WAC: variants seen among roughly 807,000 people sequenced by gnomAD.
The protein encoded by WAC is WW domain containing adaptor with coiled-coil.
In WAC, 11 loss-of-function variants were observed where a neutral mutation model predicts 79.6. That is an observed-to-expected ratio of 0.14 (90% confidence interval 0.09 to 0.23). WAC has a LOEUF of 0.23. Among genes scored for constraint, WAC ranks in the 10% least tolerant of loss-of-function variants. The probability of loss-of-function intolerance (pLI) is 1.00; values close to 1 mark genes in which losing one functional copy is unlikely to be tolerated. For missense variants in WAC, 728 were observed against 773.5 expected (o/e 0.94, Z 0.70); for synonymous variants, 304 against 276.9 (o/e 1.10, Z -0.97).
chr10:28,591,011 C>T (rs939490979), intron 6 of WAC, 179 bp downstream of exon 6: 16 of 586,328 alleles, frequency 2.7e-5, no homozygotes, highest in African/African-American at 3.8e-5. Flanking sequence ...GGAAAAGATA[C>T]ACGGTCGAGT....
At chr10:28,602,303 ACTTT>A (rs1000156021) in intron 7 of WAC, among the ~76,000 whole-genome samples, 12 of 152,340 alleles carry the variant, frequency 7.9e-5, no homozygotes, top group Admixed American at 1.3e-4. Context: ...GTTAAAGAAT[ACTTT>A]CTTTGTTGTA....
At chr10:28,613,512 A>G (rs529052114) in intron 10 of WAC, among the ~76,000 whole-genome samples, 24 of 152,352 alleles carry the variant, frequency 1.6e-4, no homozygotes, top group African/African-American at 5.8e-4. Context: ...GTCTGGAAAA[A>G]AAAAATCCTT....
At chr10:28,536,397 C>T (rs1261864571) in intron 3 of WAC, among the ~76,000 whole-genome samples, 3 of 152,056 alleles carry the variant, frequency 2.0e-5, no homozygotes, top group African/African-American at 7.3e-5. Flanking sequence ...GTTTGAGATC[C>T]TTATTGTTGC....
intron 3 of WAC, among the ~76,000 whole-genome samples, chr10:28,547,565 T>G (rs1158010864): frequency 6.6e-6 from 1 of 152,186 alleles, no homozygotes; most frequent in Non-Finnish European, 1.5e-5. Flanking sequence ...GTAACTTTTT[T>G]TGTGAATCGT....
intron 3 of WAC, among the ~76,000 whole-genome samples, chr10:28,545,195 A>T (rs923266231): frequency 3.9e-5 from 6 of 152,110 alleles, no homozygotes; most frequent in Non-Finnish European, 7.4e-5. Context: ...TGGAGCCTAG[A>T]AAACTGAATT....
chr10:28,616,240 G>T lies in WAC; in HGVS notation c.1624G>T (p.Val542Phe), dbSNP rs200849182. ...SNSSNASNAT[V>F]VPQNSSARST... ...TAGTAGTAATGCATCAAATGCAACA[G>T]TTGTACCACAGAATTCTTCTGCCCG... Residue 542 changes from valine to phenylalanine, a missense_variant, in exon 12 of 14, where the codon GTT becomes TTT. By Grantham distance (50) the Val-to-Phe change is conservative. This residue lies in a region of WAC where 648 missense variants were observed against 661.5 expected (regional missense o/e 0.98). Transcript: ENST00000354911. 2 of 1,613,962 alleles carry T rather than the reference G, an allele frequency of 1.2e-6. No homozygotes were observed. The highest frequency in any genetic ancestry group is 8.5e-7 in the Non-Finnish European group (1 of 1,179,926).
intron 3 of WAC, among the ~76,000 whole-genome samples, chr10:28,578,673 G>C (rs991185909): frequency 6.6e-6 from 1 of 151,960 alleles, no homozygotes; most frequent in African/African-American, 2.4e-5. Flanking sequence ...ATGTTTTGAT[G>C]AATTTTTTTT....
At chr10:28,572,390 T>C (rs1288651517) in intron 3 of WAC, among the ~76,000 whole-genome samples, 1 of 150,934 alleles carries the variant, frequency 6.6e-6, no homozygotes, top group Non-Finnish European at 1.5e-5. Flanking sequence ...GATGGGGGCT[T>C]GCTTTAAATT....
At chr10:28,567,943 G>T (rs1206739881) in intron 3 of WAC, among the ~76,000 whole-genome samples, 1 of 152,084 alleles carries the variant, frequency 6.6e-6, no homozygotes, top group African/African-American at 2.4e-5. Flanking sequence ...TCGCTATGTT[G>T]CCCAAGCTGG....
At chr10:28,611,744 T>C (rs747019055) in intron 9 of WAC, 30 bp from the exon 10 acceptor site, 2 of 1,601,248 alleles carry the variant, frequency 1.2e-6, no homozygotes, top group Non-Finnish European at 1.7e-6. Context: ...TTTGTTTTTC[T>C]TTAAAATTAA....
At chr10:28,533,784 A>C (rs865844793) in intron 1 of WAC, 164 bp downstream of exon 1, 13 of 979,254 alleles carry the variant, frequency 1.3e-5, no homozygotes, top group Non-Finnish European at 1.9e-5. Flanking sequence ...GCGGGAACGC[A>C]GTGTGGCGGG....
intron 7 of WAC, among the ~76,000 whole-genome samples, chr10:28,604,080 T>A (rs576017931): frequency 2.2e-4 from 33 of 149,574 alleles, no homozygotes; most frequent in Non-Finnish European, 2.5e-4. Flanking sequence ...AAAAGGTGGT[T>A]TATTTTTATA....
chr10:28,555,288 C>T (rs1251325275), intron 3 of WAC, among the ~76,000 whole-genome samples: 3 of 152,210 alleles, frequency 2.0e-5, no homozygotes, highest in African/African-American at 7.2e-5. Flanking sequence ...CCCCTTACCT[C>T]TCCAACCTTA....
intron 7 of WAC, among the ~76,000 whole-genome samples, chr10:28,603,975 ATATATATATATATG>A (rs1432161962): frequency 0.14 from 12,782 of 94,612 alleles, 1,396 homozygotes; most frequent in Non-Finnish European, 0.17. Context: ...ATATATATAT[ATATATATATATATG>A]TATATATATA....
intron 3 of WAC, among the ~76,000 whole-genome samples, chr10:28,575,873 T>C (rs939009275): frequency 7.9e-5 from 12 of 152,242 alleles, no homozygotes; most frequent in African/African-American, 2.7e-4. Context: ...ATAAATGAAG[T>C]ACTGTGTATG....
chr10:28,609,462 C>T (rs1001905238), intron 8 of WAC, among the ~76,000 whole-genome samples: 1 of 152,184 alleles, frequency 6.6e-6, no homozygotes, highest in African/African-American at 2.4e-5. Flanking sequence ...AAAAATAAAG[C>T]TATCTCAGGC....
intron 3 of WAC, among the ~76,000 whole-genome samples, chr10:28,567,987 C>A (rs1284732957): frequency 6.6e-6 from 1 of 152,186 alleles, no homozygotes; most frequent in African/African-American, 2.4e-5. Flanking sequence ...ATCCGCCCAC[C>A]CTGGCCTCCC....
In WAC at chr10:28,608,612, A is replaced by G. The variant is rs1465686098; in HGVS notation, c.1165+181A>G. Reference sequence around the variant, plus strand: ...TTTATATCCACTGTAGTTTAAGACCATTGGTAGTATAATTGAGTTAGTGGT... The same window carrying G: ...TTTATATCCACTGTAGTTTAAGACCGTTGGTAGTATAATTGAGTTAGTGGT... On this transcript the variant is annotated intron_variant, in intron 8 of 13. Coordinates refer to ENST00000354911, the MANE Select transcript of WAC (RefSeq NM_016628.5). 1.6e-5 allele frequency: 10 copies of G among 633,544 alleles called. No individual in the cohort carries two copies. In the African/African-American group the frequency reaches 1.8e-4, roughly 12 times the overall value. 39.2% of individuals were successfully genotyped at this position (633,544 alleles called of 1,614,324 possible). A position where few individuals can be genotyped will look rare whatever the true frequency, so the allele number is the denominator to read the frequency against.
intron 3 of WAC, among the ~76,000 whole-genome samples, chr10:28,560,330 C>T (rs2132480598): frequency 6.6e-6 from 1 of 152,224 alleles, no homozygotes; most frequent in African/African-American, 2.4e-5. Flanking sequence ...CACTGTATTC[C>T]AGCCTGGGCA....
Sources: gnomAD v4.1 joint callset for allele counts (sites outside exome capture counted in the v4.1 genomes callset) on GRCh38, gnomAD v4.1.1 for gene constraint, gnomAD v4.1.1 regional missense constraint, MANE v1.5 for transcripts, NCBI Gene and HGNC (gene_info 2026-07-23, HGNC 2026-07-21) for gene names.